INPP5A: variants seen among roughly 807,000 people sequenced by gnomAD.
INPP5A encodes inositol polyphosphate-5-phosphatase A, also known as 43 kDa inositol polyphosphate 5-phophatase.
A neutral mutation model predicts 65.2 loss-of-function variants in INPP5A; 14 were observed. The observed-to-expected ratio is 0.21, with a 90% CI of 0.14 to 0.34. The LOEUF is 0.34. Ranked by LOEUF, INPP5A falls within the 10% of genes least tolerant of loss-of-function variation. The pLI, the probability that INPP5A is intolerant of heterozygous loss-of-function variation, is 1.00. For missense variants in INPP5A, 431 were observed against 545.6 expected (o/e 0.79, Z 2.09); for synonymous variants, 207 against 208.3 (o/e 0.99, Z 0.05).
At chr10:132,719,915 G>C (rs1304456810) in intron 8 of INPP5A, among the ~76,000 whole-genome samples, 1 of 149,540 alleles carries the variant, frequency 6.7e-6, no homozygotes, top group African/African-American at 2.5e-5. Context: ...CCTGGGTTCT[G>C]TCTGGGCACC....
chr10:132,630,942 T>G (rs2072263991), intron 2 of INPP5A, among the ~76,000 whole-genome samples: 1 of 152,178 alleles, frequency 6.6e-6, no homozygotes. Context: ...TGGCTCCATC[T>G]GCAGATTTGC....
chr10:132,738,335 A>G lies in INPP5A; in HGVS notation c.733-11182A>G, dbSNP rs560699826. On this transcript the variant is annotated intron_variant, in intron 9 of 15. Coordinates refer to ENST00000368594, the MANE Select transcript of INPP5A (RefSeq NM_005539.5). The stretch of plus-strand genomic sequence containing the variant: ...ATCGCACCCGGCTCCCTTACTAGCA[A>G]TCAGTGGCTCTGACAAGCATACAGG... 7.2e-5 allele frequency among the ~76,000 whole-genome samples: 11 copies of G among 152,282 alleles called. No homozygotes were observed. In the East Asian group the frequency reaches 1.2e-3, roughly 16 times the overall value.
chr10:132,755,702 G>A (rs1019699114), intron 11 of INPP5A, among the ~76,000 whole-genome samples: 3 of 152,148 alleles, frequency 2.0e-5, no homozygotes, highest in African/African-American at 7.2e-5. Context: ...GGGGTGGTTT[G>A]CTTTTTAGTT....
intron 8 of INPP5A, among the ~76,000 whole-genome samples, chr10:132,722,398 GA>G (rs777389064): frequency 7.2e-5 from 11 of 151,928 alleles, no homozygotes; most frequent in Admixed American, 3.9e-4. Context: ...CTCCTTGGGG[GA>G]AAAAAAACTA....
In INPP5A at chr10:132,575,730, C is replaced by T. The variant is rs187283295; in HGVS notation, c.76-32185C>T. On this transcript the variant is annotated intron_variant, in intron 1 of 15. Coordinates refer to ENST00000368594, the MANE Select transcript of INPP5A (RefSeq NM_005539.5). This position sits in a 1 kb window ranked among gnomAD's most constrained non-coding sequence, Gnocchi z 5.4. ...CCTGGCCCTCAGGACAGCCTTTCCC[C>T]GGTTCCCTGTGTCCCTCTGGCCGTG... 6.6e-6 allele frequency among the ~76,000 whole-genome samples: 1 copy of T among 152,254 alleles called. No individual in the cohort carries two copies. The highest frequency in any genetic ancestry group is 2.4e-5 in the African/African-American group (1 of 41,552).
At chr10:132,702,726 T>C (rs762151567) in intron 6 of INPP5A, among the ~76,000 whole-genome samples, 3 of 152,188 alleles carry the variant, frequency 2.0e-5, no homozygotes, top group Non-Finnish European at 4.4e-5. Flanking sequence ...AGCGCTTGCC[T>C]CCACATGCCA....
Position 132,689,048 on chromosome 10 carries a change from C to T in INPP5A, c.307-1344C>T, listed in dbSNP as rs539788458. Among the ~76,000 whole-genome samples, 298 of 152,210 alleles carry T rather than the reference C, an allele frequency of 2.0e-3. 1 individual carries two copies. Among genetic ancestry groups the T allele is most frequent in the East Asian group, 2.9e-3 (15 of 5,180 alleles). On this transcript the variant is annotated intron_variant, in intron 4 of 15. Transcript: ENST00000368594. ...GCATATATGTGTTAATGTTTGCAAGCGTGTGGTGTGCATGTGTGTACATGA... is the reference window on the plus strand; with the variant it reads ...GCATATATGTGTTAATGTTTGCAAGTGTGTGGTGTGCATGTGTGTACATGA...
intron 9 of INPP5A, among the ~76,000 whole-genome samples, chr10:132,734,132 C>T (rs143719199): frequency 5.3e-5 from 8 of 152,356 alleles, no homozygotes; most frequent in African/African-American, 1.9e-4. Context: ...AGTGCCATGC[C>T]CGTGCAGCCT....
intron 9 of INPP5A, among the ~76,000 whole-genome samples, chr10:132,733,763 T>C (rs896319068): frequency 1.3e-5 from 2 of 151,996 alleles, no homozygotes; most frequent in Non-Finnish European, 2.9e-5. Flanking sequence ...CCTCCCTCCG[T>C]GTGTGAACAA....
chr10:132,678,412 G>A lies in INPP5A; in HGVS notation c.307-11980G>A, dbSNP rs535968910. On this transcript the variant is annotated intron_variant, in intron 4 of 15. Coordinates refer to ENST00000368594, the MANE Select transcript of INPP5A (RefSeq NM_005539.5). This position sits in a 1 kb window ranked among gnomAD's most constrained non-coding sequence, Gnocchi z 4.1. ...GATTTATTACTCAATCTGTTAAATTGTTTCAAAACAAGGTGTCTTGGGACT... is the reference window on the plus strand; with the variant it reads ...GATTTATTACTCAATCTGTTAAATTATTTCAAAACAAGGTGTCTTGGGACT... Among the ~76,000 whole-genome samples, 1 of 152,280 alleles carries A rather than the reference G, an allele frequency of 6.6e-6. No homozygotes were observed. Among genetic ancestry groups the A allele is most frequent in the South Asian group, 2.1e-4 (1 of 4,824 alleles).
At chr10:132,634,268 G>A (rs1167983044) in intron 2 of INPP5A, among the ~76,000 whole-genome samples, 3 of 149,742 alleles carry the variant, frequency 2.0e-5, no homozygotes, top group Non-Finnish European at 4.4e-5. Context: ...CCCTTGGCAG[G>A]TGTGCCCCGG....
intron 4 of INPP5A, among the ~76,000 whole-genome samples, chr10:132,657,545 C>G (rs1204299772): frequency 6.6e-6 from 1 of 152,218 alleles, no homozygotes; most frequent in African/African-American, 2.4e-5. Flanking sequence ...GGCAGTGGCC[C>G]TGGTGCTCTT....
chr10:132,557,578 T>TG (rs1206425915), intron 1 of INPP5A, among the ~76,000 whole-genome samples: 1 of 152,220 alleles, frequency 6.6e-6, no homozygotes, highest in Non-Finnish European at 1.5e-5. Flanking sequence ...TCTGAGTTGA[T>TG]GTTGATGCCA....
chr10:132,719,243 G>C (rs931051000), intron 8 of INPP5A, among the ~76,000 whole-genome samples: 5 of 149,542 alleles, frequency 3.3e-5, no homozygotes, highest in Non-Finnish European at 4.5e-5. Context: ...TGTGGTACCT[G>C]GGTTCTGTCT....
chr10:132,683,582 G>C (rs1442357346), intron 4 of INPP5A, among the ~76,000 whole-genome samples: 1 of 152,250 alleles, frequency 6.6e-6, no homozygotes, highest in Non-Finnish European at 1.5e-5. Context: ...CATGTACCTG[G>C]ATGCTTGTTA....
intron 2 of INPP5A, among the ~76,000 whole-genome samples, chr10:132,638,308 A>C (rs765978946): frequency 6.6e-6 from 1 of 152,000 alleles, no homozygotes; most frequent in African/African-American, 2.4e-5. Flanking sequence ...TTGTGTTCCA[A>C]CCCACGCTCG....
chr10:132,731,392 C>A (rs971098992), intron 9 of INPP5A, among the ~76,000 whole-genome samples: 1 of 151,786 alleles, frequency 6.6e-6, no homozygotes, highest in East Asian at 1.9e-4. Flanking sequence ...GTATCAGACG[C>A]CCCTGGAAGT....
chr10:132,714,314 C>T (rs910020263), intron 8 of INPP5A, among the ~76,000 whole-genome samples: 1 of 152,186 alleles, frequency 6.6e-6, no homozygotes, highest in Non-Finnish European at 1.5e-5. Flanking sequence ...GCGGCTCTGT[C>T]GGAGTCTGGA....
At chr10:132,640,837 G>A (rs184188290) in intron 2 of INPP5A, among the ~76,000 whole-genome samples, 58 of 152,286 alleles carry the variant, frequency 3.8e-4, no homozygotes, top group African/African-American at 1.3e-3. Context: ...GGCATCCAGT[G>A]TCCCCCACAC....
Sources: allele counts gnomAD v4.1 joint callset (sites outside exome capture counted in the v4.1 genomes callset), GRCh38; gene constraint gnomAD v4.1.1; non-coding constraint Gnocchi (gnomAD v3.1); transcripts MANE v1.5; gene names NCBI Gene and HGNC (gene_info 2026-07-23, HGNC 2026-07-21).